SMIM17: variants seen among roughly 807,000 people sequenced by gnomAD.
The protein encoded by SMIM17 is small integral membrane protein 17.
Under a neutral mutation model 12.2 loss-of-function variants are expected in SMIM17, and 10 were observed. The observed-to-expected ratio is 0.82, with a 90% CI of 0.50 to 1.39. SMIM17 has a LOEUF of 1.39. Among genes scored for constraint, SMIM17 ranks in the 40% most tolerant of loss-of-function variants. The pLI is 0.00. For missense variants in SMIM17, 136 were observed against 118.2 expected, an observed-to-expected ratio of 1.15 and a Z score of -0.70; for synonymous variants, 50 against 44.1, an observed-to-expected ratio of 1.13 and a Z score of -0.53.
At chr19:56,645,544 A>C in intron 1 of SMIM17, 24 bp from the exon 2 acceptor site, 1 of 897,194 alleles carries the variant, frequency 1.1e-6, no homozygotes, top group Non-Finnish European at 1.6e-6. Flanking sequence ...GTAATGATTC[A>C]CTGAATGATG....
chr19:56,645,790 G>A lies in SMIM17; in HGVS notation c.123G>A (p.Trp41Ter). ...KPPHPACTKD[W>*]EAVEVGASSH... The stretch of plus-strand genomic sequence containing the variant: ...CTCATCCCGCCTGCACCAAAGACTG[G>A]GAGGCTGTGGAGGTTGGGGCCTCCA... The change falls in exon 2 of 4, where the codon TGG (tryptophan) becomes TGA (stop). Residue 41 changes from tryptophan to a stop codon, truncating the protein, a stop_gained. Transcript: ENST00000598409. LOFTEE classifies it high-confidence loss of function. 6.5e-7 allele frequency: 1 copy of A among 1,535,886 alleles called. No homozygotes were observed. The highest frequency in any genetic ancestry group is 1.4e-5 in the African/African-American group (1 of 73,164).
In SMIM17 at chr19:56,655,960, T is replaced by G. The variant is rs1451659008; in HGVS notation, c.*747T>G. Among the ~76,000 whole-genome samples, 3 of 151,116 alleles carry G rather than the reference T, an allele frequency of 2.0e-5. No individual in the cohort carries two copies. The highest frequency in any genetic ancestry group is 4.9e-5 in the African/African-American group (2 of 41,190). On this transcript the variant is annotated 3_prime_UTR_variant, in exon 4 of 4. Transcript: ENST00000598409. ...GCGAATTACAGAGGTTTTTGTTTTT[T>G]TTTTTTTTTGAGACCGAGTCTCACT...
chr19:56,655,450 GA>G lies in SMIM17; in HGVS notation c.*241del, dbSNP rs968286419. On this transcript the variant is annotated 3_prime_UTR_variant, in exon 4 of 4. Transcript: ENST00000598409. The stretch of plus-strand genomic sequence containing the variant: ...CATTATTTTGTATACCACGGAGAAA[GA>G]AAAGTGCTAATTAATCATTAAGATG... The G allele has an allele frequency of 3.1e-4, 130 of 418,034 alleles. 2 individuals are homozygous for G. The highest frequency in any genetic ancestry group is 1.2e-3 in the Middle Eastern group (2 of 1,626). 25.9% of individuals were successfully genotyped at this position (418,034 alleles called of 1,614,324 possible).
At chr19:56,654,906 C>A (rs1172500093) in intron 3 of SMIM17, among the ~76,000 whole-genome samples, 197 bp from the exon 4 acceptor site, 1 of 152,164 alleles carries the variant, frequency 6.6e-6, no homozygotes, top group Non-Finnish European at 1.5e-5. Context: ...ATTATTCGAA[C>A]ATTTCCTCTG....
At chr19:56,645,862 G>T in intron 2 of SMIM17, 26 bp downstream of exon 2, 1 of 1,514,722 alleles carries the variant, frequency 6.6e-7, no homozygotes, top group Non-Finnish European at 8.8e-7. Flanking sequence ...CCTTTGGGAG[G>T]TGAGTGGGTG....
At chr19:56,651,428 AAG>A (rs1290394545) in intron 3 of SMIM17, among the ~76,000 whole-genome samples, 4 of 152,132 alleles carry the variant, frequency 2.6e-5, no homozygotes, top group Non-Finnish European at 5.9e-5. Flanking sequence ...AAGAAAGAAA[AAG>A]AGTTACTTTC....
At chr19:56,651,669 G>A (rs1049124268) in intron 3 of SMIM17, among the ~76,000 whole-genome samples, 7 of 152,146 alleles carry the variant, frequency 4.6e-5, no homozygotes, top group Admixed American at 3.3e-4. Flanking sequence ...TTACCTTTGA[G>A]GTGGGGGGAT....
At chr19:56,653,818 T>C (rs574669113) in intron 3 of SMIM17, among the ~76,000 whole-genome samples, 36 of 152,238 alleles carry the variant, frequency 2.4e-4, no homozygotes, top group Non-Finnish European at 4.7e-4. Context: ...AGATTATAAA[T>C]GTGAATTCCA....
At chr19:56,649,203 A>G (rs2045090510) in intron 3 of SMIM17, among the ~76,000 whole-genome samples, 1 of 152,242 alleles carries the variant, frequency 6.6e-6, no homozygotes, top group Non-Finnish European at 1.5e-5. Flanking sequence ...CAACATGTGC[A>G]CAGGCAAGTT....
At chr19:56,650,583 A>G (rs892357914) in intron 3 of SMIM17, among the ~76,000 whole-genome samples, 2 of 151,304 alleles carry the variant, frequency 1.3e-5, no homozygotes, top group African/African-American at 2.5e-5. Flanking sequence ...TTCCTCCTCT[A>G]CAGATGAGGA....
chr19:56,649,501 C>T (rs1204247125), intron 3 of SMIM17, among the ~76,000 whole-genome samples: 1 of 151,938 alleles, frequency 6.6e-6, no homozygotes, highest in African/African-American at 2.4e-5. Flanking sequence ...AAAAATGAAG[C>T]AGGAAGGGGG....
At chr19:56,646,686 G>T (rs2045066050) in intron 2 of SMIM17, among the ~76,000 whole-genome samples, 1 of 152,196 alleles carries the variant, frequency 6.6e-6, no homozygotes, top group African/African-American at 2.4e-5. Flanking sequence ...AACTGTCCAA[G>T]ACAGAGGTGA....
At chr19:56,652,828 A>G (rs1218168436) in intron 3 of SMIM17, among the ~76,000 whole-genome samples, 2 of 152,144 alleles carry the variant, frequency 1.3e-5, no homozygotes, top group Admixed American at 1.3e-4. Context: ...GGCATTTGTC[A>G]GAAGAGAAGG....
At chr19:56,648,089 CCAT>C (rs1306471058) in intron 3 of SMIM17, among the ~76,000 whole-genome samples, 1 of 150,226 alleles carries the variant, frequency 6.7e-6, no homozygotes, top group Non-Finnish European at 1.5e-5. Flanking sequence ...ATCCATCCAT[CCAT>C]CCATCCATCC....
At chr19:56,650,588 T>G (rs1009430511) in intron 3 of SMIM17, among the ~76,000 whole-genome samples, 1 of 151,290 alleles carries the variant, frequency 6.6e-6, no homozygotes, top group Non-Finnish European at 1.5e-5. Flanking sequence ...CCTCTACAGA[T>G]GAGGAAACTG....
Position 56,657,072 on chromosome 19 carries a change from ATTGTT to A in SMIM17, c.*1862_*1866del, listed in dbSNP as rs528111587. Among the ~76,000 whole-genome samples, 388 of 152,312 alleles carry A rather than the reference ATTGTT, an allele frequency of 2.5e-3. 1 individual carries two copies. The highest frequency in any genetic ancestry group is 9.0e-3 in the African/African-American group (374 of 41,564). ...GGTTATGTGAAACTTTGTTAGTACA[ATTGTT>A]TTTGCTAATAAATTTTTATAATCTT... On this transcript the variant is annotated 3_prime_UTR_variant, in exon 4 of 4. Transcript: ENST00000598409.
At position 56,655,287 on chromosome 19, in the gene SMIM17, CT is replaced by C. The variant is rs1375885327; in HGVS notation, c.*75del. The C allele has an allele frequency of 3.2e-6, 2 of 620,208 alleles. No homozygotes were observed. The highest frequency in any genetic ancestry group is 5.9e-6 in the Non-Finnish European group (2 of 337,194). 38.4% of individuals were successfully genotyped at this position (620,208 alleles called of 1,614,324 possible). A position where few individuals can be genotyped will look rare whatever the true frequency, so the allele number is the denominator to read the frequency against. On this transcript the variant is annotated 3_prime_UTR_variant, in exon 4 of 4. Coordinates refer to ENST00000598409, the MANE Select transcript of SMIM17 (RefSeq NM_001193628.2). The stretch of plus-strand genomic sequence containing the variant: ...CCCTATGTCATGTTAAGGAATTGTG[CT>C]AGTTAAAAATCAGGAATAGGTGTTG...
chr19:56,649,611 T>C (rs1367649564), intron 3 of SMIM17, among the ~76,000 whole-genome samples: 1 of 151,136 alleles, frequency 6.6e-6, no homozygotes, highest in Non-Finnish European at 1.5e-5. Flanking sequence ...CTGAAGGAGG[T>C]GGGGAGTGAG....
chr19:56,655,954 G>GTTTTTTT lies in SMIM17; in HGVS notation c.*750_*756dup. ...ATTTTGGCGAATTACAGAGGTTTTT[G>GTTTTTTT]TTTTTTTTTTTTTTTGAGACCGAGT... On this transcript the variant is annotated 3_prime_UTR_variant, in exon 4 of 4. Coordinates refer to ENST00000598409, the MANE Select transcript of SMIM17 (RefSeq NM_001193628.2). Among the ~76,000 whole-genome samples the GTTTTTTT allele has an allele frequency of 7.5e-6, 1 of 133,146 alleles. No individual in the cohort carries two copies. The highest frequency in any genetic ancestry group is 1.6e-5 in the Non-Finnish European group (1 of 63,404). The allele number at this position is 133,146 out of a possible 152,430, so 87.3% of individuals were successfully genotyped here. A position where few individuals can be genotyped will look rare whatever the true frequency, so the allele number is the denominator to read the frequency against.
Sources: allele counts gnomAD v4.1 joint callset (sites outside exome capture counted in the v4.1 genomes callset), GRCh38; gene constraint gnomAD v4.1.1; transcripts MANE v1.5; gene names NCBI Gene and HGNC (gene_info 2026-07-23, HGNC 2026-07-21).